Variants in RIMBP2 observed in about 807,000 individuals in gnomAD.
RIMBP2 encodes the protein RIMS binding protein 2, also known as RIMS-binding protein 2.
In RIMBP2, 48 loss-of-function variants were observed where a neutral mutation model predicts 118.6. The ratio of observed to expected loss-of-function variants is 0.40; its 90% CI spans 0.32 to 0.51. RIMBP2 has a LOEUF of 0.51. Among genes scored for constraint, RIMBP2 ranks in the 20% least tolerant of loss-of-function variants. RIMBP2 has a pLI of 0.41. For missense variants in RIMBP2, 1,551 were observed against 1,768.3 expected, an observed-to-expected ratio of 0.88 and a Z score of 2.20; for synonymous variants, 762 against 742.9, an observed-to-expected ratio of 1.03 and a Z score of -0.42.
chr12:130,564,884 C>T (rs2057103192), intron 2 of RIMBP2, among the ~76,000 whole-genome samples: 1 of 151,980 alleles, frequency 6.6e-6, no homozygotes, highest in Non-Finnish European at 1.5e-5. Context: ...AGTGTTCTTA[C>T]CACACACACA....
chr12:130,549,309 G>A (rs1469377854), intron 2 of RIMBP2, among the ~76,000 whole-genome samples: 2 of 152,172 alleles, frequency 1.3e-5, no homozygotes, highest in Non-Finnish European at 2.9e-5. Flanking sequence ...TTTAAATAAA[G>A]GTGAAAATGA....
chr12:130,488,933 G>A (rs1210812656), intron 4 of RIMBP2, among the ~76,000 whole-genome samples: 3 of 151,994 alleles, frequency 2.0e-5, no homozygotes, highest in African/African-American at 2.4e-5. Context: ...GAGAAGAACC[G>A]ATGCATGTAT....
chr12:130,652,055 G>A (rs12829361), intron 1 of RIMBP2, among the ~76,000 whole-genome samples: 24,278 of 152,082 alleles, frequency 0.16, 2,390 homozygotes, highest in Non-Finnish European at 0.22. Context: ...TTAGTCTTCT[G>A]GTTTCTAGCA....
At chr12:130,437,325 C>T (rs1440118823) in intron 12 of RIMBP2, 34 bp from the exon 13 acceptor site, 7 of 1,528,942 alleles carry the variant, frequency 4.6e-6, no homozygotes, top group African/African-American at 1.4e-5. Context: ...GCGGGCTGCC[C>T]GAGGTGAGCC....
intron 2 of RIMBP2, among the ~76,000 whole-genome samples, chr12:130,533,437 A>G (rs1001582661): frequency 1.3e-5 from 2 of 152,186 alleles, no homozygotes; most frequent in African/African-American, 4.8e-5. Context: ...ACAAAAGGGA[A>G]CTCTTACACA....
chr12:130,658,159 G>A (rs1174043672), intron 1 of RIMBP2: 1 of 152,278 alleles, frequency 6.6e-6, no homozygotes, highest in African/African-American at 2.4e-5. Flanking sequence ...TGACCGGAAG[G>A]CCACGGCTTC....
intron 1 of RIMBP2, among the ~76,000 whole-genome samples, chr12:130,645,082 A>G (rs907915929): frequency 4.0e-5 from 6 of 149,646 alleles, no homozygotes; most frequent in Non-Finnish European, 7.4e-5. Flanking sequence ...GGCAAAGACT[A>G]CAAATCAGAA....
At chr12:130,699,202 A>T (rs530054426) in intron 1 of RIMBP2, among the ~76,000 whole-genome samples, 3 of 152,310 alleles carry the variant, frequency 2.0e-5, no homozygotes, top group African/African-American at 7.2e-5. Flanking sequence ...TAGAAATACC[A>T]TTTGACCCAT....
intron 4 of RIMBP2, among the ~76,000 whole-genome samples, chr12:130,481,947 C>T (rs750164641): frequency 1.1e-4 from 16 of 151,416 alleles, no homozygotes; most frequent in Non-Finnish European, 1.9e-4. Flanking sequence ...ACCACCACCA[C>T]CACCCACCGC....
At chr12:130,534,810 G>A (rs958806396) in intron 2 of RIMBP2, among the ~76,000 whole-genome samples, 2 of 152,214 alleles carry the variant, frequency 1.3e-5, no homozygotes, top group African/African-American at 4.8e-5. Context: ...AAAGCAGCCT[G>A]GCTGAAGATC....
At chr12:130,604,068 T>G (rs1401366813) in intron 2 of RIMBP2, among the ~76,000 whole-genome samples, 2 of 152,120 alleles carry the variant, frequency 1.3e-5, no homozygotes, top group Non-Finnish European at 2.9e-5. Context: ...GACATGCAGG[T>G]GCAAGACGGT....
At chr12:130,544,593 G>C (rs566280357) in intron 2 of RIMBP2, among the ~76,000 whole-genome samples, 53 of 132,470 alleles carry the variant, frequency 4.0e-4, no homozygotes, top group African/African-American at 1.4e-3. Context: ...TGTAACTGGA[G>C]GCCTTTTTTT....
chr12:130,500,930 C>T (rs1309767343), intron 4 of RIMBP2, among the ~76,000 whole-genome samples: 1 of 152,148 alleles, frequency 6.6e-6, no homozygotes, highest in Non-Finnish European at 1.5e-5. Flanking sequence ...AATGGAACAA[C>T]ATGGGTTTCT....
At chr12:130,648,222 A>C (rs1177969449) in intron 1 of RIMBP2, among the ~76,000 whole-genome samples, 3 of 146,008 alleles carry the variant, frequency 2.1e-5, no homozygotes. Context: ...GAAAAGGGGA[A>C]ATCCCATTTC....
In RIMBP2 at chr12:130,643,287, T is replaced by C. The variant is rs531172274; in HGVS notation, c.-351-14831A>G. ...CCACAGCAGCAGCTCCCCACTCCCA[T>C]TGGCAGGTCCTGTGATGTGTGTGGA... is the stretch of plus-strand genomic sequence containing the variant. On this transcript the variant is annotated intron_variant, in intron 1 of 22. Coordinates refer to ENST00000690449, the MANE Select transcript of RIMBP2 (RefSeq NM_001393629.1). Among the ~76,000 whole-genome samples the C allele has an allele frequency of 7.2e-5, 11 of 152,282 alleles. No individual in the cohort carries two copies. The East Asian group carries it at 1.4e-3, about 19-fold the overall frequency.
At position 130,442,110 on chromosome 12, in the gene RIMBP2, C is replaced by T; in HGVS notation, c.1242G>A (p.Leu414=). ...GKDVVVAPSH[L]RVDNITQISA... ...AGATCTGCGTGATGTTGTCCACCCG[C>T]AGGTGGGAGGGGGCCACCACCACGT... The change falls in exon 11 of 23, where the codon CTG becomes CTA. Residue 414 remains leucine (L), a synonymous_variant. Transcript: ENST00000690449. This position sits in a 1 kb window ranked among gnomAD's most constrained non-coding sequence, Gnocchi z 6.9. The T allele has an allele frequency of 1.2e-6, 2 of 1,614,144 alleles. No homozygotes were observed. The highest frequency in any genetic ancestry group is 1.7e-6 in the Non-Finnish European group (2 of 1,180,024).
chr12:130,685,955 C>T (rs978677284), intron 1 of RIMBP2, among the ~76,000 whole-genome samples: 1 of 152,184 alleles, frequency 6.6e-6, no homozygotes, highest in African/African-American at 2.4e-5. Flanking sequence ...AAGCATGAGC[C>T]CCAGAAGGCC....
intron 6 of RIMBP2, among the ~76,000 whole-genome samples, chr12:130,457,466 G>A (rs558247396): frequency 1.2e-4 from 18 of 152,314 alleles, no homozygotes; most frequent in Admixed American, 9.1e-4. Flanking sequence ...TTCCTCCCAG[G>A]TCAGAGGTGC....
At position 130,523,599 on chromosome 12, in the gene RIMBP2, C is replaced by CT. The variant is rs1199787141; in HGVS notation, c.-216-5683dup. Among the ~76,000 whole-genome samples, 1 of 152,244 alleles carries CT rather than the reference C, an allele frequency of 6.6e-6. No homozygotes were observed. The highest frequency in any genetic ancestry group is 1.5e-5 in the Non-Finnish European group (1 of 68,040). On this transcript the variant is annotated intron_variant, in intron 2 of 22. Transcript: ENST00000690449. The surrounding 1 kb of genome is among the most constrained non-coding windows in gnomAD (Gnocchi z 4.4). The stretch of plus-strand genomic sequence containing the variant: ...TTCAATGGACAAGGTGGCCGCTTCT[C>CT]TGGGGGAGAAACTGACAAGAGAAAG...
Sources: allele counts gnomAD v4.1 joint callset (sites outside exome capture counted in the v4.1 genomes callset), GRCh38; gene constraint gnomAD v4.1.1; non-coding constraint Gnocchi (gnomAD v3.1); transcripts MANE v1.5; gene names NCBI Gene and HGNC (gene_info 2026-07-23, HGNC 2026-07-21).